Variants in TNIK observed in about 807,000 individuals in gnomAD.
TNIK encodes TRAF2 and NCK interacting kinase, also known as TRAF2 and NCK-interacting protein kinase.
A neutral mutation model predicts 191.3 loss-of-function variants in TNIK; 49 were observed. The observed-to-expected ratio is 0.26, with a 90% CI of 0.20 to 0.32. TNIK has a LOEUF of 0.32. Among genes scored for constraint, TNIK ranks in the 10% least tolerant of loss-of-function variants. The probability of loss-of-function intolerance (pLI) is 1.00; values close to 1 mark genes in which losing one functional copy is unlikely to be tolerated. For synonymous variants in TNIK, 594 were observed against 600.9 expected (o/e 0.99, Z 0.17); for missense variants, 1,155 against 1,702.3 (o/e 0.68, Z 5.66).
At chr3:171,117,429 CCTT>C (rs1421807102) in intron 18 of TNIK, among the ~76,000 whole-genome samples, 1 of 151,958 alleles carries the variant, frequency 6.6e-6, no homozygotes, top group Non-Finnish European at 1.5e-5. Context: ...TTCAATTTCT[CCTT>C]CTGTAAAATG....
At chr3:171,204,174 GAGATC>G (rs1739770170) in intron 4 of TNIK, among the ~76,000 whole-genome samples, 1 of 152,176 alleles carries the variant, frequency 6.6e-6, no homozygotes, top group African/African-American at 2.4e-5. Context: ...TTGTTTCCGA[GAGATC>G]AGAATCTTTA....
At chr3:171,186,682 T>TA (rs536003994) in intron 7 of TNIK, among the ~76,000 whole-genome samples, 176 of 152,292 alleles carry the variant, frequency 1.2e-3, no homozygotes, top group African/African-American at 3.9e-3. Flanking sequence ...CTTTATTTTT[T>TA]AAAAAAACAC....
chr3:171,302,365 A>G (rs1023282651), intron 2 of TNIK, among the ~76,000 whole-genome samples: 2 of 152,328 alleles, frequency 1.3e-5, no homozygotes, highest in Middle Eastern at 3.4e-3. Flanking sequence ...TAGACTTAGA[A>G]TAAATATGCT....
chr3:171,384,226 A>C (rs1297361292), intron 1 of TNIK, among the ~76,000 whole-genome samples: 3 of 152,230 alleles, frequency 2.0e-5, no homozygotes, highest in Non-Finnish European at 2.9e-5. Context: ...GATCGCTTTG[A>C]ATGTATCTGT....
chr3:171,167,761 C>T (rs1734780928), intron 9 of TNIK, among the ~76,000 whole-genome samples: 1 of 152,098 alleles, frequency 6.6e-6, no homozygotes, highest in Non-Finnish European at 1.5e-5. Context: ...GCAGAAGATG[C>T]AAGCTGGAGG....
intron 2 of TNIK, among the ~76,000 whole-genome samples, chr3:171,240,564 T>TC (rs1335207696): frequency 6.6e-6 from 1 of 151,966 alleles, no homozygotes; most frequent in Non-Finnish European, 1.5e-5. Flanking sequence ...TCCCCCCCAG[T>TC]CCCCGACTCG....
intron 2 of TNIK, among the ~76,000 whole-genome samples, chr3:171,260,346 C>G (rs1010101207): frequency 1.3e-5 from 2 of 152,170 alleles, no homozygotes; most frequent in African/African-American, 4.8e-5. Flanking sequence ...CTCCCAATGA[C>G]CTTGAATAAA....
chr3:171,244,062 T>G (rs1415854209), intron 2 of TNIK, among the ~76,000 whole-genome samples: 1 of 129,954 alleles, frequency 7.7e-6, no homozygotes, highest in Admixed American at 7.1e-5. Context: ...CAGAAATAGT[T>G]TTTTTTTTTT....
intron 1 of TNIK, among the ~76,000 whole-genome samples, chr3:171,423,588 T>C (rs375824972): frequency 4.6e-4 from 70 of 152,158 alleles, no homozygotes; most frequent in African/African-American, 1.5e-3. Context: ...AACTATACTA[T>C]AAGGCTACAG....
At chr3:171,261,855 C>G (rs1747664359) in intron 2 of TNIK, among the ~76,000 whole-genome samples, 1 of 152,152 alleles carries the variant, frequency 6.6e-6, no homozygotes, top group Admixed American at 6.5e-5. Flanking sequence ...AACACAAGGG[C>G]TGGATGGTTT....
At chr3:171,064,095 T>C (rs1718121560) in intron 32 of TNIK, 131 bp from the exon 33 acceptor site, 2 of 770,830 alleles carry the variant, frequency 2.6e-6, no homozygotes, top group East Asian at 5.4e-5. Context: ...ATGGCTTGTG[T>C]TTATAAAGTC....
intron 2 of TNIK, among the ~76,000 whole-genome samples, chr3:171,349,232 T>A (rs1712749261): frequency 6.6e-6 from 1 of 152,212 alleles, no homozygotes; most frequent in South Asian, 2.1e-4. Flanking sequence ...AAATTTTGGA[T>A]AGTGGTCTGA....
At chr3:171,184,750 C>T (rs574592719) in intron 7 of TNIK, among the ~76,000 whole-genome samples, 14 of 152,210 alleles carry the variant, frequency 9.2e-5, no homozygotes, top group Non-Finnish European at 1.8e-4. Context: ...AACTGAAACT[C>T]TTACTTAGAA....
At chr3:171,449,668 G>A (rs1323400037) in intron 1 of TNIK, among the ~76,000 whole-genome samples, 1 of 152,152 alleles carries the variant, frequency 6.6e-6, no homozygotes, top group African/African-American at 2.4e-5. Flanking sequence ...TAAATAATTT[G>A]AGAATTCTTT....
intron 28 of TNIK, 124 bp from the exon 29 acceptor site, chr3:171,071,447 G>C (rs1200653697): frequency 1.3e-6 from 1 of 761,142 alleles, no homozygotes; most frequent in Non-Finnish European, 2.0e-6. Context: ...TCAGCTTCAT[G>C]AAGGTGATAT....
intron 12 of TNIK, among the ~76,000 whole-genome samples, chr3:171,155,573 C>T (rs1173947599): frequency 6.6e-6 from 1 of 152,198 alleles, no homozygotes; most frequent in Non-Finnish European, 1.5e-5. Context: ...GGGTGTGTCT[C>T]TGGCTGCACA....
intron 2 of TNIK, among the ~76,000 whole-genome samples, chr3:171,339,790 T>C (rs1343201247): frequency 6.6e-6 from 1 of 152,228 alleles, no homozygotes; most frequent in East Asian, 1.9e-4. Flanking sequence ...ATTTTCAGAT[T>C]GTGTGCCTTG....
intron 16 of TNIK, among the ~76,000 whole-genome samples, chr3:171,127,414 T>G (rs1284112169): frequency 6.6e-6 from 1 of 151,392 alleles, no homozygotes. Flanking sequence ...ACAAACCCAC[T>G]TTAAAAGAGC....
intron 4 of TNIK, among the ~76,000 whole-genome samples, chr3:171,196,120 A>G (rs578090399): frequency 9.5e-4 from 144 of 152,350 alleles, no homozygotes; most frequent in Middle Eastern, 3.4e-3. Flanking sequence ...AAATAAAAGG[A>G]AAGACTGAAG....
Sources: allele counts gnomAD v4.1 joint callset (sites outside exome capture counted in the v4.1 genomes callset), GRCh38; gene constraint gnomAD v4.1.1; transcripts MANE v1.5; gene names NCBI Gene and HGNC (gene_info 2026-07-23, HGNC 2026-07-21).